Variants in SLA observed in about 807,000 individuals in gnomAD.
SLA encodes Src like adaptor.
SLA carries 16 observed loss-of-function variants against 30.3 expected under a neutral mutation model. The observed-to-expected ratio is 0.53, with a 90% CI of 0.36 to 0.80. The LOEUF is 0.80. SLA is among the 30% of genes least tolerant of loss of function. SLA has a pLI of 0.01. For missense variants in SLA, 310 were observed against 345.2 expected, an observed-to-expected ratio of 0.90 and a Z score of 0.81; for synonymous variants, 143 against 137.8, an observed-to-expected ratio of 1.04 and a Z score of -0.26.
intron 1 of SLA, 113 bp downstream of exon 1, chr8:133,102,440 G>T: frequency 1.1e-6 from 1 of 911,096 alleles, no homozygotes; most frequent in Admixed American, 2.3e-5. Flanking sequence ...ACCAAAGACG[G>T]AGGGTGGGTA....
intron 1 of SLA, among the ~76,000 whole-genome samples, chr8:133,097,710 A>G (rs1393942672): frequency 6.6e-6 from 1 of 152,234 alleles, no homozygotes; most frequent in Non-Finnish European, 1.5e-5. Context: ...AACATTGGCT[A>G]CCTCTGGAGA....
At chr8:133,093,763 G>A (rs1847957966) in intron 1 of SLA, among the ~76,000 whole-genome samples, 1 of 152,176 alleles carries the variant, frequency 6.6e-6, no homozygotes, top group African/African-American at 2.4e-5. Context: ...AACCTACCAG[G>A]TGTATGAAAG....
At position 133,070,029 on chromosome 8, in the gene SLA, A is replaced by AAAAAAAAAAAAAAAC. The variant is rs376711807; in HGVS notation, c.-41+4823_-41+4824insGTTTTTTTTTTTTTT. On this transcript the variant is annotated intron_variant, in intron 2 of 8. Transcript: ENST00000338087. The stretch of plus-strand genomic sequence containing the variant: ...AAAAAAAAAAAAAAAAAAAAAAAGA[A>AAAAAAAAAAAAAAAC]AGAAAGAAAGAAAAGAAAAGAAGAA... Among the ~76,000 whole-genome samples the AAAAAAAAAAAAAAAC allele has an allele frequency of 2.4e-4, 26 of 109,798 alleles. 7 individuals carry two copies. Among genetic ancestry groups the AAAAAAAAAAAAAAAC allele is most frequent in the African/African-American group, 8.5e-4 (22 of 25,814 alleles). 72.0% of individuals were successfully genotyped at this position (109,798 alleles called of 152,430 possible).
chr8:133,074,830 T>C (rs913410940), intron 2 of SLA, 23 bp downstream of exon 2: 7 of 985,010 alleles, frequency 7.1e-6, no homozygotes, highest in Non-Finnish European at 8.4e-6. Context: ...CCACCCCATC[T>C]CTGCCACATA....
At chr8:133,047,577 C>A in intron 6 of SLA, 2 of 516,900 alleles carry the variant, frequency 3.9e-6, no homozygotes, top group Non-Finnish European at 3.5e-6. Context: ...GGAAAAATTT[C>A]CAGCAGGAGT....
At chr8:133,064,203 A>C (rs2131360950) in intron 2 of SLA, 1 of 152,328 alleles carries the variant, frequency 6.6e-6, no homozygotes, top group East Asian at 1.9e-4. Flanking sequence ...TGAGTAGAAA[A>C]GATGATCTCC....
intron 1 of SLA, among the ~76,000 whole-genome samples, chr8:133,078,843 A>T (rs2739165): frequency 0.76 from 116,102 of 152,182 alleles, 45,175 homozygotes; most frequent in African/African-American, 0.89. Flanking sequence ...TCTCAGGTAG[A>T]GCATGAATGT....
intron 3 of SLA, among the ~76,000 whole-genome samples, chr8:133,054,794 G>A (rs570120087): frequency 1.6e-4 from 25 of 152,282 alleles, no homozygotes; most frequent in East Asian, 9.6e-4. Context: ...AATAGGAAAC[G>A]AATCCACAAA....
intron 3 of SLA, among the ~76,000 whole-genome samples, chr8:133,053,190 C>T (rs543738594): frequency 4.2e-4 from 64 of 152,282 alleles, no homozygotes; most frequent in African/African-American, 1.5e-3. Flanking sequence ...GCTCAGCCTT[C>T]CTGCTGTACT....
intron 3 of SLA, among the ~76,000 whole-genome samples, chr8:133,054,892 A>T (rs549541599): frequency 1.2e-4 from 18 of 152,220 alleles, no homozygotes; most frequent in African/African-American, 4.3e-4. Flanking sequence ...CTGCATGACC[A>T]TTTCTTTTTA....
At chr8:133,089,761 C>G (rs1847201249) in intron 1 of SLA, among the ~76,000 whole-genome samples, 1 of 152,136 alleles carries the variant, frequency 6.6e-6, no homozygotes, top group South Asian at 2.1e-4. Context: ...ACTTAGGACC[C>G]AGCTCCTGTC....
rs1249175533 is a variant in SLA at position 133,055,361 on chromosome 8, GCGCGCACACACACACACACACA to G, written c.62-4468_62-4447del. On this transcript the variant is annotated intron_variant, in intron 3 of 8. Transcript: ENST00000338087. Reference sequence around the variant, plus strand: ...TCATCTTCAGGACACACACACGCACGCGCGCACACACACACACACACACACACACACACACACACACACACAG... The same window carrying G: ...TCATCTTCAGGACACACACACGCACGCACACACACACACACACACACACAG... 5.5e-3 allele frequency among the ~76,000 whole-genome samples: 722 copies of G among 131,744 alleles called. 7 individuals are homozygous for G. The highest frequency in any genetic ancestry group is 0.017 in the African/African-American group (637 of 38,348). The allele number at this position is 131,744 out of a possible 152,430, so 86.4% of individuals were successfully genotyped here.
chr8:133,083,529 A>G (rs983133992), intron 1 of SLA, among the ~76,000 whole-genome samples: 3 of 152,142 alleles, frequency 2.0e-5, no homozygotes, highest in African/African-American at 7.2e-5. Flanking sequence ...GATGGACCCC[A>G]TGGCCTATGC....
rs7830370 is a variant in SLA, at chr8:133,082,732, G to A, written c.-318-7602C>T. On this transcript the variant is annotated intron_variant, in intron 1 of 8. Transcript: ENST00000338087. ...GTGTGCTTGAACAGCACAAAATGAC[G>A]GTAGGATCTGTAACAGCATTATGAT... 2.4e-4 allele frequency among the ~76,000 whole-genome samples: 37 copies of A among 152,214 alleles called. 1 individual carries two copies. Among genetic ancestry groups the A allele is most frequent in the South Asian group, 1.2e-3 (6 of 4,826 alleles).
At chr8:133,041,895 C>A (rs1838327372) in intron 7 of SLA, among the ~76,000 whole-genome samples, 1 of 148,974 alleles carries the variant, frequency 6.7e-6, no homozygotes, top group Non-Finnish European at 1.5e-5. Flanking sequence ...TCAAGTGATT[C>A]TCTTGCCTCA....
At chr8:133,066,703 G>A (rs1843086505) in intron 2 of SLA, among the ~76,000 whole-genome samples, 1 of 152,136 alleles carries the variant, frequency 6.6e-6, no homozygotes, top group African/African-American at 2.4e-5. Flanking sequence ...TGTATCGCTG[G>A]GCAAGTTAGT....
chr8:133,071,723 T>C (rs1321434864), intron 2 of SLA, among the ~76,000 whole-genome samples: 1 of 152,142 alleles, frequency 6.6e-6, no homozygotes, highest in Non-Finnish European at 1.5e-5. Context: ...GAGAATTAAA[T>C]GAAACCGACT....
chr8:133,050,387 A>G (rs1840175252), intron 4 of SLA: 3 of 283,220 alleles, frequency 1.1e-5, no homozygotes, highest in African/African-American at 2.1e-5. Flanking sequence ...AACTTCTGTC[A>G]TGTTCTATAG....
At chr8:133,049,566 T>A (rs1195633283) in intron 5 of SLA, 1 of 315,374 alleles carries the variant, frequency 3.2e-6, no homozygotes, top group Non-Finnish European at 6.1e-6. Context: ...GAGGCAGGAT[T>A]TGAACCTAGA....
Sources: gnomAD v4.1 joint callset for allele counts (sites outside exome capture counted in the v4.1 genomes callset) on GRCh38, gnomAD v4.1.1 for gene constraint, MANE v1.5 for transcripts, NCBI Gene and HGNC (gene_info 2026-07-23, HGNC 2026-07-21) for gene names.